DOK5: variants seen among roughly 807,000 people sequenced by gnomAD.
DOK5 encodes the protein docking protein 5.
In DOK5, 27 loss-of-function variants were observed where a neutral mutation model predicts 43.3. The observed-to-expected ratio is 0.62, with a 90% CI of 0.46 to 0.86. The LOEUF (loss-of-function observed/expected upper bound fraction) is 0.86, where lower values mean the gene tolerates loss of function less well. Among genes scored for constraint, DOK5 ranks in the 40% least tolerant of loss-of-function variants. The probability of loss-of-function intolerance (pLI) is 0.00; values close to 1 mark genes in which losing one functional copy is unlikely to be tolerated. For synonymous variants in DOK5, 146 were observed against 140.1 expected, an observed-to-expected ratio of 1.04 and a Z score of -0.30; for missense variants, 373 against 392.9, an observed-to-expected ratio of 0.95 and a Z score of 0.43.
At chr20:54,613,587 C>T (rs1986719285) in intron 6 of DOK5, among the ~76,000 whole-genome samples, 1 of 152,108 alleles carries the variant, frequency 6.6e-6, no homozygotes, top group South Asian at 2.1e-4. Context: ...GAATACATTG[C>T]TTGTGCTAGC....
intron 1 of DOK5, among the ~76,000 whole-genome samples, chr20:54,514,337 A>G (rs1983119150): frequency 6.6e-6 from 1 of 152,174 alleles, no homozygotes; most frequent in Admixed American, 6.5e-5. Flanking sequence ...TTGTCAAAAT[A>G]TGTTAAGAGT....
At chr20:54,590,991 A>G (rs1985960087) in intron 4 of DOK5, among the ~76,000 whole-genome samples, 1 of 152,250 alleles carries the variant, frequency 6.6e-6, no homozygotes, top group African/African-American at 2.4e-5. Flanking sequence ...CAATCATCCA[A>G]ATATGCAATG....
intron 1 of DOK5, among the ~76,000 whole-genome samples, chr20:54,545,446 A>T (rs572448594): frequency 5.3e-5 from 8 of 152,290 alleles, no homozygotes; most frequent in Admixed American, 5.2e-4. Context: ...CTCATGGAGA[A>T]GTGACTGGTC....
chr20:54,552,377 T>G (rs1984558748), intron 1 of DOK5, among the ~76,000 whole-genome samples: 1 of 152,056 alleles, frequency 6.6e-6, no homozygotes, highest in South Asian at 2.1e-4. Context: ...GAACCAACTA[T>G]GTTATCCTGC....
chr20:54,518,648 G>A (rs1983285872), intron 1 of DOK5, among the ~76,000 whole-genome samples: 2 of 152,176 alleles, frequency 1.3e-5, no homozygotes, highest in African/African-American at 4.8e-5. Context: ...CCAATAATGG[G>A]ATGGCTGAGT....
intron 2 of DOK5, among the ~76,000 whole-genome samples, chr20:54,559,558 A>G (rs1264072366): frequency 6.6e-6 from 1 of 152,248 alleles, no homozygotes; most frequent in East Asian, 1.9e-4. Flanking sequence ...TTGTGTGGTC[A>G]AAGAAATTGG....
At chr20:54,617,327 G>A (rs984862254) in intron 6 of DOK5, among the ~76,000 whole-genome samples, 1 of 151,884 alleles carries the variant, frequency 6.6e-6, no homozygotes, top group Admixed American at 6.6e-5. Context: ...ATAGTCTGTC[G>A]ATTTTTTTTT....
chr20:54,610,429 G>A lies in DOK5; in HGVS notation c.641G>A (p.Arg214Gln), dbSNP rs139613448. The A allele has an allele frequency of 4.6e-5, 74 of 1,598,832 alleles. 1 individual carries two copies. The African/African-American group carries it at 8.5e-4, about 18-fold the overall frequency. ...GAAGGGCTGTTTATCTTTCAGACCCGAGACGGGGAGGCCATCTATCAGAAA... is the reference window on the plus strand; with the variant it reads ...GAAGGGCTGTTTATCTTTCAGACCCAAGACGGGGAGGCCATCTATCAGAAA... ...TGEGLFIFQT[R>Q]DGEAIYQKVH... Residue 214 changes from arginine (R) to glutamine (Q), a missense_variant, in exon 6 of 8, where the codon CGA becomes CAA. By Grantham distance (43) the Arg-to-Gln change is conservative. Coordinates refer to ENST00000262593, the MANE Select transcript of DOK5 (RefSeq NM_018431.5).
At chr20:54,520,921 C>A (rs1983370843) in intron 1 of DOK5, among the ~76,000 whole-genome samples, 1 of 152,146 alleles carries the variant, frequency 6.6e-6, no homozygotes, top group East Asian at 1.9e-4. Context: ...GGTCTTCTAT[C>A]ACCCTTCCCT....
intron 6 of DOK5, among the ~76,000 whole-genome samples, chr20:54,641,299 G>C (rs906748629): frequency 1.3e-5 from 2 of 151,984 alleles, no homozygotes; most frequent in African/African-American, 4.8e-5. Context: ...TAAATTCAAT[G>C]CATACAAATT....
intron 1 of DOK5, among the ~76,000 whole-genome samples, chr20:54,509,383 G>A (rs1982935925): frequency 6.6e-6 from 1 of 150,724 alleles, no homozygotes; most frequent in African/African-American, 2.5e-5. Flanking sequence ...GTAGAGACAG[G>A]GGTCTTGCTT....
chr20:54,632,635 G>A (rs1311221980), intron 6 of DOK5, among the ~76,000 whole-genome samples: 2 of 152,182 alleles, frequency 1.3e-5, no homozygotes, highest in East Asian at 3.9e-4. Flanking sequence ...CTTTAACTCA[G>A]ATTTTGTGAC....
chr20:54,527,078 A>G (rs1331628016), intron 1 of DOK5, among the ~76,000 whole-genome samples: 1 of 152,202 alleles, frequency 6.6e-6, no homozygotes, highest in East Asian at 1.9e-4. Flanking sequence ...ACAATTCACG[A>G]AAGTTATTTC....
At chr20:54,587,339 T>C (rs1040863684) in intron 2 of DOK5, among the ~76,000 whole-genome samples, 2 of 152,118 alleles carry the variant, frequency 1.3e-5, no homozygotes, top group Non-Finnish European at 2.9e-5. Context: ...AATAATCAGA[T>C]TAGTGTTGTG....
chr20:54,592,486 C>T (rs936186794), intron 5 of DOK5, among the ~76,000 whole-genome samples: 2 of 151,922 alleles, frequency 1.3e-5, no homozygotes, highest in Non-Finnish European at 1.5e-5. Context: ...TCCTATTTTC[C>T]TTGTCCTTCA....
intron 1 of DOK5, among the ~76,000 whole-genome samples, chr20:54,553,974 T>C (rs1287512319): frequency 1.3e-5 from 2 of 152,122 alleles, no homozygotes; most frequent in East Asian, 3.9e-4. Context: ...TTTTGGAGAA[T>C]ATTGTTTTTC....
intron 1 of DOK5, among the ~76,000 whole-genome samples, chr20:54,481,083 CATCTACCATCT>C (rs1298760450): frequency 5.9e-4 from 71 of 120,002 alleles, no homozygotes; most frequent in African/African-American, 2.1e-3. Context: ...ATCTATCTAT[CATCTACCATCT>C]ATCTATCTAT....
chr20:54,553,674 A>G (rs1321476430), intron 1 of DOK5, among the ~76,000 whole-genome samples: 1 of 150,596 alleles, frequency 6.6e-6, no homozygotes, highest in African/African-American at 2.4e-5. Flanking sequence ...AGGCGGGTGG[A>G]TCATGAGGTG....
chr20:54,563,664 GTT>G (rs76886127), intron 2 of DOK5, among the ~76,000 whole-genome samples: 2,593 of 114,346 alleles, frequency 0.023, 66 homozygotes, highest in African/African-American at 0.084. Flanking sequence ...TATTTGTCAG[GTT>G]TTTTTTTTTT....
Sources: gnomAD v4.1 joint callset for allele counts (sites outside exome capture counted in the v4.1 genomes callset) on GRCh38, gnomAD v4.1.1 for gene constraint, MANE v1.5 for transcripts, NCBI Gene and HGNC (gene_info 2026-07-23, HGNC 2026-07-21) for gene names.